Variants in TMEM9B observed in about 807,000 individuals in gnomAD.
TMEM9B encodes transmembrane protein 9B.
TMEM9B carries 8 observed loss-of-function variants against 23.5 expected under a neutral mutation model. The ratio of observed to expected loss-of-function variants is 0.34; its 90% confidence interval spans 0.20 to 0.61. The LOEUF is 0.61. Among genes scored for constraint, TMEM9B ranks in the 20% least tolerant of loss-of-function variants. The pLI, the probability that TMEM9B is intolerant of heterozygous loss-of-function variation, is 0.78. For synonymous variants in TMEM9B, 106 were observed against 96.3 expected (o/e 1.10, Z -0.59); for missense variants, 197 against 252.3 (o/e 0.78, Z 1.49).
chr11:8,949,919 C>T (rs1226395081), intron 4 of TMEM9B, among the ~76,000 whole-genome samples: 1 of 149,000 alleles, frequency 6.7e-6, no homozygotes, highest in Admixed American at 6.7e-5. Flanking sequence ...ATAGGGTCTA[C>T]CCATGTTGCC....
intron 3 of TMEM9B, 38 bp from the exon 4 acceptor site, chr11:8,953,375 A>G (rs771236826): frequency 6.2e-7 from 1 of 1,605,684 alleles, no homozygotes; most frequent in South Asian, 1.1e-5. Context: ...TCTTTGTTCA[A>G]GCCCATAAAT....
chr11:8,949,632 C>A (rs1389467823), intron 4 of TMEM9B, among the ~76,000 whole-genome samples: 1 of 152,162 alleles, frequency 6.6e-6, no homozygotes. Flanking sequence ...ACTATATATA[C>A]AACTATAATT....
chr11:8,953,821 C>T (rs747505686), intron 3 of TMEM9B, among the ~76,000 whole-genome samples: 4 of 152,294 alleles, frequency 2.6e-5, no homozygotes, highest in African/African-American at 4.8e-5. Context: ...AGCCCTCATA[C>T]GCTGTGGTGG....
At chr11:8,964,635 T>G, upstream of TMEM9B, 3 of 393,230 alleles carry the variant, frequency 7.6e-6, no homozygotes, top group Non-Finnish European at 8.3e-6. Context: ...CTTGGATATC[T>G]TTCCCGGGCG....
At chr11:8,953,460 A>C (rs1325996772) in intron 3 of TMEM9B, 123 bp from the exon 4 acceptor site, 15 of 898,608 alleles carry the variant, frequency 1.7e-5, no homozygotes, top group Non-Finnish European at 2.5e-5. Flanking sequence ...CAAACCAGAT[A>C]GCAATATAAG....
intron 2 of TMEM9B, among the ~76,000 whole-genome samples, chr11:8,959,146 T>C (rs1854028562): frequency 2.0e-5 from 3 of 152,158 alleles, no homozygotes; most frequent in African/African-American, 4.8e-5. Context: ...AGTAAAATCA[T>C]ATTTGAAAAA....
intron 4 of TMEM9B, among the ~76,000 whole-genome samples, chr11:8,952,283 A>C (rs202032122): frequency 2.8e-5 from 1 of 35,744 alleles, no homozygotes; most frequent in Non-Finnish European, 6.7e-5. Flanking sequence ...CACACACGCT[A>C]TATATATATA....
intron 4 of TMEM9B, chr11:8,952,856 T>C (rs1853910186): frequency 4.2e-6 from 2 of 481,438 alleles, no homozygotes; most frequent in South Asian, 3.8e-5. Flanking sequence ...TTTGGTGATA[T>C]TGACAGAGAA....
Position 8,947,481 on chromosome 11 carries a change from A to G in TMEM9B, c.*839T>C, listed in dbSNP as rs1173847710. On this transcript the variant is annotated 3_prime_UTR_variant, in exon 5 of 5. Coordinates refer to ENST00000534025, the MANE Select transcript of TMEM9B (RefSeq NM_020644.3). ...ACCGGAAATGCTGACAAATGTGTAT[A>G]TATTATCAATCCAGGGAGGCTTGGG... 2 of 152,650 alleles carry G rather than the reference A, an allele frequency of 1.3e-5. No homozygotes were observed. The highest frequency in any genetic ancestry group is 4.8e-5 in the African/African-American group (2 of 41,430). 9.5% of individuals were successfully genotyped at this position (152,650 alleles called of 1,614,324 possible).
At chr11:8,954,012 C>T (rs1853928795) in intron 3 of TMEM9B, among the ~76,000 whole-genome samples, 1 of 152,150 alleles carries the variant, frequency 6.6e-6, no homozygotes, top group African/African-American at 2.4e-5. Context: ...CAGACATAAT[C>T]CAAACGTCCA....
At chr11:8,958,336 C>A (rs1854010729) in intron 2 of TMEM9B, among the ~76,000 whole-genome samples, 1 of 150,810 alleles carries the variant, frequency 6.6e-6, no homozygotes, top group Non-Finnish European at 1.5e-5. Context: ...GTGGCACATG[C>A]CTGTAATCCC....
chr11:8,952,147 A>G (rs1853888720), intron 4 of TMEM9B, among the ~76,000 whole-genome samples: 1 of 152,090 alleles, frequency 6.6e-6, no homozygotes, highest in Non-Finnish European at 1.5e-5. Flanking sequence ...ACACTGAAAA[A>G]CAGATTTGTG....
intron 1 of TMEM9B, 64 bp downstream of exon 1, chr11:8,964,145 A>G: frequency 1.3e-6 from 2 of 1,500,868 alleles, no homozygotes; most frequent in Non-Finnish European, 1.8e-6. Context: ...TGGCAGACCC[A>G]GTTTCCGCAA....
At chr11:8,955,828 C>G (rs1853965064) in intron 3 of TMEM9B, among the ~76,000 whole-genome samples, 1 of 152,092 alleles carries the variant, frequency 6.6e-6, no homozygotes, top group Admixed American at 6.5e-5. Flanking sequence ...ATCTTAAAAT[C>G]CAGAAGTAAT....
chr11:8,948,509 G>A (rs1367924802), intron 4 of TMEM9B, 34 bp from the exon 5 acceptor site: 2 of 1,604,910 alleles, frequency 1.2e-6, no homozygotes, highest in East Asian at 2.2e-5. Context: ...ATTAGAGATG[G>A]CACAGTCAGT....
At chr11:8,956,446 A>T in intron 2 of TMEM9B, 148 bp from the exon 3 acceptor site, 3 of 610,194 alleles carry the variant, frequency 4.9e-6, no homozygotes, top group Non-Finnish European at 8.3e-6. Flanking sequence ...AAGTAAAATA[A>T]TTTCTGCTCT....
At chr11:8,951,682 C>G (rs1400499922) in intron 4 of TMEM9B, among the ~76,000 whole-genome samples, 1 of 147,524 alleles carries the variant, frequency 6.8e-6, no homozygotes, top group East Asian at 2.1e-4. Flanking sequence ...GGCGTGAACC[C>G]GGGAGGCGGA....
intron 1 of TMEM9B, chr11:8,963,856 G>A (rs141597272): frequency 4.6e-4 from 120 of 262,768 alleles, no homozygotes; most frequent in African/African-American, 2.4e-3. Flanking sequence ...AGAGCTTAGG[G>A]TGGAAAGTTA....
In TMEM9B at chr11:8,957,585, T is replaced by C. The variant is rs1460182627; in HGVS notation, c.198-1287A>G. On this transcript the variant is annotated intron_variant, in intron 2 of 4. Transcript: ENST00000534025. This position sits in a 1 kb window ranked among gnomAD's most constrained non-coding sequence, Gnocchi z 4.3. ...GGACACCCAATACTCTATAGAGTGATTCCTTCTCTTTCCCCACCAAAATGT... is the reference window on the plus strand; with the variant it reads ...GGACACCCAATACTCTATAGAGTGACTCCTTCTCTTTCCCCACCAAAATGT... Among the ~76,000 whole-genome samples, 1 of 152,244 alleles carries C rather than the reference T, an allele frequency of 6.6e-6. No individual in the cohort carries two copies. The highest frequency in any genetic ancestry group is 1.5e-5 in the Non-Finnish European group (1 of 68,034).
Sources: allele counts gnomAD v4.1 joint callset (sites outside exome capture counted in the v4.1 genomes callset), GRCh38; gene constraint gnomAD v4.1.1; non-coding constraint Gnocchi (gnomAD v3.1); transcripts MANE v1.5; gene names NCBI Gene and HGNC (gene_info 2026-07-23, HGNC 2026-07-21).